Variants in ARL13B observed in about 807,000 individuals in gnomAD.
ARL13B encodes ARF like GTPase 13B.
In ARL13B, 36 loss-of-function variants were observed where a neutral mutation model predicts 56.1. That is an observed-to-expected ratio of 0.64 (90% CI 0.49 to 0.85). The LOEUF is 0.85. Among genes scored for constraint, ARL13B ranks in the 40% least tolerant of loss-of-function variants. The pLI is 0.00. For synonymous variants in ARL13B, 178 were observed against 171.1 expected (o/e 1.04, Z -0.32); for missense variants, 519 against 507.1 (o/e 1.02, Z -0.23).
At chr3:94,009,017 T>C (rs2076177920) in intron 3 of ARL13B, among the ~76,000 whole-genome samples, 1 of 152,142 alleles carries the variant, frequency 6.6e-6, no homozygotes, top group South Asian at 2.1e-4. Context: ...TTAAAAAGTT[T>C]CTTGGCTACT....
At chr3:94,009,029 T>C (rs2076178130) in intron 3 of ARL13B, among the ~76,000 whole-genome samples, 1 of 151,986 alleles carries the variant, frequency 6.6e-6, no homozygotes, top group South Asian at 2.1e-4. Flanking sequence ...TTGGCTACTC[T>C]GGGCACACTG....
At chr3:94,045,198 T>C (rs899324130) in intron 7 of ARL13B, among the ~76,000 whole-genome samples, 5 of 151,924 alleles carry the variant, frequency 3.3e-5, no homozygotes, top group Admixed American at 1.3e-4. Flanking sequence ...GTTAAATGGA[T>C]TAAGGGCGGT....
chr3:94,046,360 A>G (rs2076984513), intron 7 of ARL13B, among the ~76,000 whole-genome samples: 3 of 151,444 alleles, frequency 2.0e-5, no homozygotes, highest in South Asian at 2.1e-4. Flanking sequence ...CCTTGAATAT[A>G]AAATATTCCT....
intron 3 of ARL13B, among the ~76,000 whole-genome samples, chr3:94,024,268 G>C (rs574762346): frequency 6.6e-6 from 1 of 152,252 alleles, no homozygotes; most frequent in South Asian, 2.1e-4. Flanking sequence ...AGTGCTAGTT[G>C]CCACATTATT....
chr3:94,040,818 G>A (rs2076849055), intron 6 of ARL13B, among the ~76,000 whole-genome samples: 1 of 151,884 alleles, frequency 6.6e-6, no homozygotes, highest in South Asian at 2.1e-4. Flanking sequence ...TATTCTCTGT[G>A]TATAATAAGG....
Position 94,054,354 on chromosome 3 carries a change from T to A in ARL13B, c.*1091T>A. ...AATAAATAATTCCAAAATAATTTCT[T>A]AATTTAAAATGATAGCACTTCTCTT... On this transcript the variant is annotated 3_prime_UTR_variant, in exon 10 of 10. Coordinates refer to ENST00000394222, the MANE Select transcript of ARL13B (RefSeq NM_001174150.2). The A allele has an allele frequency of 2.3e-6, 1 of 427,870 alleles. No individual in the cohort carries two copies. The highest frequency in any genetic ancestry group is 4.6e-6 in the Non-Finnish European group (1 of 216,390). 26.5% of individuals were successfully genotyped at this position (427,870 alleles called of 1,614,324 possible).
chr3:94,035,271 T>G, intron 3 of ARL13B, 60 bp from the exon 4 acceptor site: 1 of 1,072,358 alleles, frequency 9.3e-7, no homozygotes, highest in South Asian at 1.4e-5. Flanking sequence ...GGTCAAAATA[T>G]CTTTAAGTTT....
chr3:94,001,169 T>A (rs1389578335), intron 2 of ARL13B, among the ~76,000 whole-genome samples: 2 of 152,156 alleles, frequency 1.3e-5, no homozygotes. Flanking sequence ...AAAGGATTTA[T>A]GGGGAAAGTT....
At chr3:93,998,135 C>A (rs2107398080) in intron 2 of ARL13B, among the ~76,000 whole-genome samples, 1 of 152,210 alleles carries the variant, frequency 6.6e-6, no homozygotes, top group Admixed American at 6.5e-5. Context: ...ATGTAAAACA[C>A]ATTCTTAGCT....
chr3:94,031,213 A>G (rs1303511499), intron 3 of ARL13B, among the ~76,000 whole-genome samples: 1 of 152,084 alleles, frequency 6.6e-6, no homozygotes, highest in Non-Finnish European at 1.5e-5. Flanking sequence ...CAAAAACAAG[A>G]TTTAAGAAGC....
chr3:94,029,313 TATATATATATATATATATATA>T (rs2076620371), intron 3 of ARL13B, among the ~76,000 whole-genome samples: 3 of 97,018 alleles, frequency 3.1e-5, no homozygotes, highest in Non-Finnish European at 5.9e-5. Flanking sequence ...TATATATATA[TATATATATATATATATATATA>T]TTTATTTTTT....
At chr3:94,012,971 A>G (rs2076251065) in intron 3 of ARL13B, among the ~76,000 whole-genome samples, 1 of 152,142 alleles carries the variant, frequency 6.6e-6, no homozygotes. Context: ...CACTTGTGTG[A>G]ACTTCAGACT....
At chr3:94,013,667 T>C (rs1456439886) in intron 3 of ARL13B, among the ~76,000 whole-genome samples, 1 of 152,186 alleles carries the variant, frequency 6.6e-6, no homozygotes, top group Non-Finnish European at 1.5e-5. Context: ...GATAAAGGGC[T>C]GGGCATGGTG....
chr3:93,994,454 A>G (rs991328975), intron 1 of ARL13B, among the ~76,000 whole-genome samples: 3 of 134,632 alleles, frequency 2.2e-5, no homozygotes, highest in Non-Finnish European at 4.5e-5. Context: ...CGTAGTACCT[A>G]ATCACCTTAT....
intron 3 of ARL13B, among the ~76,000 whole-genome samples, chr3:94,029,338 ATTTTTT>A (rs1272624458): frequency 1.4e-4 from 8 of 59,028 alleles, no homozygotes; most frequent in African/African-American, 5.3e-4. Context: ...ATATATATTT[ATTTTTT>A]TTTTATTTTT....
intron 2 of ARL13B, among the ~76,000 whole-genome samples, chr3:93,997,458 T>C (rs1025514471): frequency 2.6e-4 from 39 of 152,238 alleles, no homozygotes; most frequent in Admixed American, 6.5e-4. Flanking sequence ...CAAATGCTAC[T>C]CTGTAATGTT....
chr3:94,014,373 A>G lies in ARL13B; in HGVS notation c.380+10465A>G, dbSNP rs528523224. 3.3e-6 allele frequency: 5 copies of G among 1,513,266 alleles called. No homozygotes were observed. In the South Asian group the frequency reaches 7.0e-5, roughly 21 times the overall value. The allele number at this position is 1,513,266 out of a possible 1,614,324, so 93.7% of individuals were successfully genotyped here. A position where few individuals can be genotyped will look rare whatever the true frequency, so the allele number is the denominator to read the frequency against. On this transcript the variant is annotated intron_variant, in intron 3 of 9. Transcript: ENST00000394222. ...TTACCGTAAAGCTGGAAAAAGTTTT[A>G]AAATAGCTTCTTTATTTTGAGCTAC...
chr3:94,018,040 A>G (rs1230525285), intron 3 of ARL13B, among the ~76,000 whole-genome samples: 4 of 152,054 alleles, frequency 2.6e-5, no homozygotes, highest in Admixed American at 6.6e-5. Context: ...ATTTGTATAT[A>G]TTTTTTCATT....
chr3:94,050,747 C>A, intron 8 of ARL13B, 77 bp from the exon 9 acceptor site: 1 of 1,227,364 alleles, frequency 8.1e-7, no homozygotes, highest in Non-Finnish European at 1.2e-6. Flanking sequence ...TGCTTCCTTT[C>A]CAGGGAGGGA....
Sources: allele counts gnomAD v4.1 joint callset (sites outside exome capture counted in the v4.1 genomes callset), GRCh38; gene constraint gnomAD v4.1.1; transcripts MANE v1.5; gene names NCBI Gene and HGNC (gene_info 2026-07-23, HGNC 2026-07-21).